BICRAL: variants seen among roughly 807,000 people sequenced by gnomAD.
The protein encoded by BICRAL is BRD4-interacting chromatin-remodeling complex-associated protein-like.
Under a neutral mutation model 91.8 loss-of-function variants are expected in BICRAL, and 8 were observed. The ratio of observed to expected loss-of-function variants is 0.09; its 90% CI spans 0.05 to 0.16. The LOEUF (loss-of-function observed/expected upper bound fraction) is 0.16, where lower values mean the gene tolerates loss of function less well. BICRAL is among the 10% of genes least tolerant of loss of function. The pLI is 1.00. For missense variants in BICRAL, 1,038 were observed against 1,310.9 expected, an observed-to-expected ratio of 0.79 and a Z score of 3.21; for synonymous variants, 445 against 491.1, an observed-to-expected ratio of 0.91 and a Z score of 1.24.
chr6:42,769,796 A>T (rs1186570691), intron 1 of BICRAL, among the ~76,000 whole-genome samples: 1 of 152,196 alleles, frequency 6.6e-6, no homozygotes, highest in African/African-American at 2.4e-5. Flanking sequence ...AAACTTAAAG[A>T]TCACCACCAC....
At position 42,829,389 on chromosome 6, in the gene BICRAL, C is replaced by T. The variant is rs1250058341; in HGVS notation, c.1056C>T (p.Gly352=). 1 of 1,614,208 alleles carries T rather than the reference C, an allele frequency of 6.2e-7. No homozygotes were observed. The change falls in exon 6 of 13, where the codon GGC becomes GGT. Residue 352 remains glycine (G), a synonymous_variant. Coordinates refer to ENST00000314073, the MANE Select transcript of BICRAL (RefSeq NM_001393499.1). ...ISFASASSPQ[G]SVVGPHMSVN... ...TTGCTTCTGCAAGCTCACCCCAGGG[C>T]TCAGTAGTTGGTCCACACATGTCTG... is the stretch of plus-strand genomic sequence containing the variant.
intron 1 of BICRAL, among the ~76,000 whole-genome samples, chr6:42,783,135 T>TTCCCGTTCCCGC (rs1762977142): frequency 6.6e-6 from 1 of 150,668 alleles, no homozygotes; most frequent in Non-Finnish European, 1.5e-5. Context: ...CCCGGCCCCG[T>TTCCCGTTCCCGC]TCCCGCTCCC....
chr6:42,778,475 A>C (rs1232684920), upstream of BICRAL, among the ~76,000 whole-genome samples: 1 of 152,218 alleles, frequency 6.6e-6, no homozygotes, highest in Non-Finnish European at 1.5e-5. Flanking sequence ...TAATGTGTAT[A>C]AGTATCTAGC....
At chr6:42,756,679 G>A (rs1023588163) in intron 1 of BICRAL, among the ~76,000 whole-genome samples, 1 of 151,692 alleles carries the variant, frequency 6.6e-6, no homozygotes, top group Non-Finnish European at 1.5e-5. Context: ...TGATTGTTGG[G>A]TAACAACTCA....
At chr6:42,806,148 C>T (rs1035361199) in intron 1 of BICRAL, among the ~76,000 whole-genome samples, 6 of 152,188 alleles carry the variant, frequency 3.9e-5, no homozygotes, top group South Asian at 4.1e-4. Context: ...GCCAAGATAA[C>T]GGGATTCTCC....
intron 1 of BICRAL, among the ~76,000 whole-genome samples, chr6:42,747,189 A>G (rs1268572840): frequency 6.6e-6 from 1 of 152,208 alleles, no homozygotes; most frequent in Non-Finnish European, 1.5e-5. Context: ...TGGGCAGCCA[A>G]GACGGCGCAG....
At chr6:42,770,893 G>A (rs576616040) in intron 1 of BICRAL, among the ~76,000 whole-genome samples, 1 of 151,238 alleles carries the variant, frequency 6.6e-6, no homozygotes, top group Admixed American at 6.6e-5. Flanking sequence ...GTTTCACCAC[G>A]TTGGCCACGA....
chr6:42,845,401 A>G (rs1469230539), intron 6 of BICRAL, among the ~76,000 whole-genome samples: 1 of 150,886 alleles, frequency 6.6e-6, no homozygotes. Context: ...CTTCTCTGTG[A>G]TTACCACAGT....
chr6:42,813,641 C>T (rs1048151873), intron 2 of BICRAL, among the ~76,000 whole-genome samples: 4 of 152,190 alleles, frequency 2.6e-5, no homozygotes, highest in African/African-American at 9.6e-5. Flanking sequence ...CCACCTCAGC[C>T]TCCTGAGCAG....
chr6:42,787,562 C>A (rs1171212438), intron 1 of BICRAL, among the ~76,000 whole-genome samples: 1 of 151,780 alleles, frequency 6.6e-6, no homozygotes, highest in African/African-American at 2.4e-5. Context: ...AAAACACTAA[C>A]AACGGCTAAA....
intron 2 of BICRAL, among the ~76,000 whole-genome samples, chr6:42,814,471 A>C: frequency 7.3e-6 from 1 of 136,772 alleles, no homozygotes; most frequent in Admixed American, 7.2e-5. Flanking sequence ...ATACATACAT[A>C]TACATGCATG....
intron 1 of BICRAL, among the ~76,000 whole-genome samples, chr6:42,773,183 A>C (rs1176320018): frequency 6.7e-6 from 1 of 149,896 alleles, no homozygotes; most frequent in African/African-American, 2.5e-5. Context: ...GGTTCAAGGG[A>C]TTCTTCCGCC....
At chr6:42,796,351 C>T (rs2113889411) in intron 1 of BICRAL, among the ~76,000 whole-genome samples, 1 of 152,092 alleles carries the variant, frequency 6.6e-6, no homozygotes, top group East Asian at 1.9e-4. Context: ...AGACAGCAGC[C>T]AGTGCAAAGG....
chr6:42,769,116 A>G (rs1762682409), intron 1 of BICRAL, among the ~76,000 whole-genome samples: 1 of 152,232 alleles, frequency 6.6e-6, no homozygotes, highest in Non-Finnish European at 1.5e-5. Context: ...GAATGCAAGA[A>G]GAGCTTAGTT....
At chr6:42,794,822 G>C (rs749259095) in intron 1 of BICRAL, among the ~76,000 whole-genome samples, 1 of 150,604 alleles carries the variant, frequency 6.6e-6, no homozygotes, top group African/African-American at 2.4e-5. Context: ...ATAGCCGGGC[G>C]TGGTGGCGGG....
At position 42,785,036 on chromosome 6, in the gene BICRAL, CAGT is replaced by C. The variant is rs779044895; in HGVS notation, c.-102+2939_-102+2941del. Among the ~76,000 whole-genome samples, 6 of 152,148 alleles carry C rather than the reference CAGT, an allele frequency of 3.9e-5. No individual in the cohort carries two copies. The East Asian group carries it at 5.8e-4, about 15-fold the overall frequency. On this transcript the variant is annotated intron_variant, in intron 1 of 12. Transcript: ENST00000314073. ...TTGAGGTCCATGTAATTTTGAGTTT[CAGT>C]AGTTTTTTGCTCACATTAGTCTCAT...
chr6:42,837,645 G>A (rs1448240847), intron 6 of BICRAL, among the ~76,000 whole-genome samples: 1 of 151,760 alleles, frequency 6.6e-6, no homozygotes, highest in African/African-American at 2.4e-5. Context: ...CCAACTACTC[G>A]GGAGGCTGAG....
At position 42,862,550 on chromosome 6, in the gene BICRAL, T is replaced by C; in HGVS notation, c.2390T>C (p.Met797Thr). 1 of 1,612,666 alleles carries C rather than the reference T, an allele frequency of 6.2e-7. No individual in the cohort carries two copies. The highest frequency in any genetic ancestry group is 8.5e-7 in the Non-Finnish European group (1 of 1,178,664). Residue 797 changes from methionine (M) to threonine (T), a missense_variant, in exon 12 of 13, where the codon ATG becomes ACG. Around this residue, in one of 5 missense-constraint regions of BICRAL, gnomAD observed 294 missense variants for 292.6 expected, o/e 1.00. Coordinates refer to ENST00000314073, the MANE Select transcript of BICRAL (RefSeq NM_001393499.1). ...GCTGAGATGGTGATGATCGATAGGA[T>C]GTTCAACCAGGAGGAAAGAGCTTCC... ...PSAEMVMIDR[M>T]FNQEERASLS...
chr6:42,857,614 A>AAAAAAAAAAAAAATATATATATATAT, intron 10 of BICRAL, among the ~76,000 whole-genome samples: 1 of 96,220 alleles, frequency 1.0e-5, no homozygotes, highest in African/African-American at 6.5e-5. Context: ...AAAAAAAAAA[A>AAAAAAAAAAAAAATATATATATATAT]ATATATATAT....
Sources: allele counts gnomAD v4.1 joint callset (sites outside exome capture counted in the v4.1 genomes callset), GRCh38; gene constraint gnomAD v4.1.1; regional missense constraint gnomAD v4.1.1; transcripts MANE v1.5; gene names NCBI Gene and HGNC (gene_info 2026-07-23, HGNC 2026-07-21).